IMPA2: variants seen among roughly 807,000 people sequenced by gnomAD.
The protein encoded by IMPA2 is inositol monophosphatase 2, also known as IMP 2.
A neutral mutation model predicts 35.1 loss-of-function variants in IMPA2; 32 were observed. The observed-to-expected ratio is 0.91, with a 90% CI of 0.69 to 1.23. IMPA2 has a LOEUF of 1.23. Ranked by LOEUF, IMPA2 falls within the 50% of genes most tolerant of loss-of-function variation. The pLI, the probability that IMPA2 is intolerant of heterozygous loss-of-function variation, is 0.00. For missense variants in IMPA2, 334 were observed against 387.6 expected, an observed-to-expected ratio of 0.86 and a Z score of 1.16; for synonymous variants, 135 against 160.6, an observed-to-expected ratio of 0.84 and a Z score of 1.20.
At position 12,013,786 on chromosome 18, in the gene IMPA2, G is replaced by A. The variant is rs112456164; in HGVS notation, c.382-479G>A. Among the ~76,000 whole-genome samples the A allele has an allele frequency of 2.5e-3, 378 of 152,324 alleles. 3 individuals carry two copies. The highest frequency in any genetic ancestry group is 8.5e-3 in the African/African-American group (353 of 41,574). ...GCTCACGGATCAGTCCCCAGTCTGC[G>A]GCGGTGCCTCTTCCTCGCTGGGGCT... is the stretch of plus-strand genomic sequence containing the variant. On this transcript the variant is annotated intron_variant, in intron 4 of 7. Coordinates refer to ENST00000269159, the MANE Select transcript of IMPA2 (RefSeq NM_014214.3).
chr18:11,996,012 CA>C (rs917327665), intron 1 of IMPA2, among the ~76,000 whole-genome samples: 1 of 152,038 alleles, frequency 6.6e-6, no homozygotes, highest in African/African-American at 2.4e-5. Flanking sequence ...CAGTCAACAA[CA>C]AAACAGACAG....
At position 11,991,846 on chromosome 18, in the gene IMPA2, A is replaced by AATT. The variant is rs1555644387; in HGVS notation, c.97-7208_97-7207insATT. On this transcript the variant is annotated intron_variant, in intron 1 of 7. Transcript: ENST00000269159. This position sits in a 1 kb window ranked among gnomAD's most constrained non-coding sequence, Gnocchi z 4.1. ...TGCCCTCGCAGAAACACCCAGAACA[A>AATT]TTTTTTTTTTTTTTTGAGATGGAGC... is the stretch of plus-strand genomic sequence containing the variant. Among the ~76,000 whole-genome samples the AATT allele has an allele frequency of 4.2e-5, 6 of 144,172 alleles. No individual in the cohort carries two copies. The highest frequency in any genetic ancestry group is 9.1e-5 in the Non-Finnish European group (6 of 65,748). 94.6% of individuals were successfully genotyped at this position (144,172 alleles called of 152,430 possible).
chr18:11,990,011 C>T (rs922310650), intron 1 of IMPA2, among the ~76,000 whole-genome samples: 4 of 152,136 alleles, frequency 2.6e-5, no homozygotes, highest in African/African-American at 9.7e-5. Context: ...GGAGTCTAGG[C>T]CCCTCCCTCT....
chr18:12,013,651 G>A (rs954326991), intron 4 of IMPA2, among the ~76,000 whole-genome samples: 5 of 152,210 alleles, frequency 3.3e-5, no homozygotes, highest in African/African-American at 9.6e-5. Flanking sequence ...GTGGGCTGCC[G>A]TCCTTTTCCA....
At chr18:11,993,184 T>C (rs1421206836) in intron 1 of IMPA2, among the ~76,000 whole-genome samples, 1 of 152,216 alleles carries the variant, frequency 6.6e-6, no homozygotes, top group Non-Finnish European at 1.5e-5. Context: ...TACACTGTTA[T>C]TACAGAAGAG....
At chr18:11,989,306 G>A (rs922781885) in intron 1 of IMPA2, among the ~76,000 whole-genome samples, 1 of 152,240 alleles carries the variant, frequency 6.6e-6, no homozygotes, top group Non-Finnish European at 1.5e-5. Flanking sequence ...GTCGCTGGAG[G>A]AAGAGGAGGC....
In IMPA2 at chr18:12,012,231, A is replaced by G. The variant is rs1350640229; in HGVS notation, c.381+16A>G. The G allele has an allele frequency of 6.2e-7, 1 of 1,610,990 alleles. No homozygotes were observed. The highest frequency in any genetic ancestry group is 8.5e-7 in the Non-Finnish European group (1 of 1,177,172). Reference sequence around the variant, plus strand: ...TCGACAAGAGGTGCGGGTGTGGCCCAGGTCCCCAGGGCCCCTCCCTGGGCT... The same window carrying G: ...TCGACAAGAGGTGCGGGTGTGGCCCGGGTCCCCAGGGCCCCTCCCTGGGCT... On this transcript the variant is annotated intron_variant, in intron 4 of 7. Transcript: ENST00000269159.
chr18:12,018,325 C>T (rs761770825), intron 5 of IMPA2: 3 of 152,354 alleles, frequency 2.0e-5, no homozygotes, highest in African/African-American at 7.2e-5. Flanking sequence ...CATGTCCTCT[C>T]TCTGTCACCT....
chr18:12,006,655 T>C (rs545825653), intron 2 of IMPA2, among the ~76,000 whole-genome samples: 11 of 152,274 alleles, frequency 7.2e-5, no homozygotes, highest in African/African-American at 2.4e-4. Flanking sequence ...CAGCCTGAGA[T>C]GATGTATGCG....
At chr18:12,007,265 G>T (rs3786286) in intron 2 of IMPA2, among the ~76,000 whole-genome samples, 12,701 of 152,234 alleles carry the variant, frequency 0.083, 762 homozygotes, top group East Asian at 0.3. Context: ...AGTGGTAGCC[G>T]CTCACCCACG....
intron 1 of IMPA2, among the ~76,000 whole-genome samples, chr18:11,987,189 C>A (rs911543058): frequency 1.3e-5 from 2 of 152,168 alleles, no homozygotes; most frequent in Non-Finnish European, 2.9e-5. Context: ...TTCACTAGGT[C>A]TGGAGTGGGC....
chr18:12,030,751 C>T lies in IMPA2; in HGVS notation c.*293C>T. 2.8e-6 allele frequency: 1 copy of T among 352,480 alleles called. No homozygotes were observed. The highest frequency in any genetic ancestry group is 5.2e-6 in the Non-Finnish European group (1 of 192,056). 21.8% of individuals were successfully genotyped at this position (352,480 alleles called of 1,614,324 possible). A position where few individuals can be genotyped will look rare whatever the true frequency, so the allele number is the denominator to read the frequency against. ...CTCCTGTGAAATACGTATTGATAAT[C>T]CAATCTTGATTTTTCCCCCCAGAAT... On this transcript the variant is annotated 3_prime_UTR_variant, in exon 8 of 8. Coordinates refer to ENST00000269159, the MANE Select transcript of IMPA2 (RefSeq NM_014214.3).
chr18:12,028,239 G>T, intron 6 of IMPA2, 88 bp downstream of exon 6: 1 of 883,374 alleles, frequency 1.1e-6, no homozygotes. Context: ...GATTTGAGGA[G>T]GAAGCCTGAC....
chr18:12,022,058 C>T (rs1907744266), intron 5 of IMPA2, among the ~76,000 whole-genome samples: 1 of 151,240 alleles, frequency 6.6e-6, no homozygotes, highest in Admixed American at 6.6e-5. Flanking sequence ...ATATGATTTT[C>T]CATTCTAATT....
At chr18:12,017,343 C>T (rs967325954) in intron 5 of IMPA2, among the ~76,000 whole-genome samples, 3 of 152,190 alleles carry the variant, frequency 2.0e-5, no homozygotes, top group Non-Finnish European at 4.4e-5. Flanking sequence ...GTCAGTACTT[C>T]AGCGTGTCTC....
In IMPA2 at chr18:12,025,741, G is replaced by A. The variant is rs562278097; in HGVS notation, c.491-2302G>A. Among the ~76,000 whole-genome samples, 25 of 152,114 alleles carry A rather than the reference G, an allele frequency of 1.6e-4. No homozygotes were observed. The South Asian group carries it at 4.2e-3, about 25-fold the overall frequency. On this transcript the variant is annotated intron_variant, in intron 5 of 7. Transcript: ENST00000269159. ...ATTACAGGCACGTGCTGCCATACCC[G>A]GCTAATTTTTGTATTTTTAATAGAG...
intron 1 of IMPA2, among the ~76,000 whole-genome samples, chr18:11,984,560 C>A (rs957695185): frequency 4.6e-5 from 7 of 152,218 alleles, no homozygotes; most frequent in Non-Finnish European, 7.3e-5. Flanking sequence ...ACAAACTTTG[C>A]CAGATGTGGT....
At chr18:12,007,644 T>TTTC (rs2143800534) in intron 2 of IMPA2, among the ~76,000 whole-genome samples, 2 of 99,568 alleles carry the variant, frequency 2.0e-5, no homozygotes, top group African/African-American at 1.1e-4. Flanking sequence ...TCTTTCTTTC[T>TTTC]TTCTTTCTTT....
intron 5 of IMPA2, among the ~76,000 whole-genome samples, chr18:12,024,427 T>C (rs1598705700): frequency 1.3e-5 from 2 of 152,168 alleles, no homozygotes; most frequent in East Asian, 3.8e-4. Context: ...GAGGTTGCAG[T>C]GAGCTGAGAT....
Sources: gnomAD v4.1 joint callset for allele counts (sites outside exome capture counted in the v4.1 genomes callset) on GRCh38, gnomAD v4.1.1 for gene constraint, Gnocchi (gnomAD v3.1) non-coding constraint, MANE v1.5 for transcripts, NCBI Gene and HGNC (gene_info 2026-07-23, HGNC 2026-07-21) for gene names.